NPAT: variants seen among roughly 807,000 people sequenced by gnomAD.
NPAT encodes the protein nuclear protein, coactivator of histone transcription.
In NPAT, 52 loss-of-function variants were observed where a neutral mutation model predicts 130.7. The ratio of observed to expected loss-of-function variants is 0.40; its 90% CI spans 0.32 to 0.50. NPAT has a LOEUF of 0.50. NPAT is among the 20% of genes least tolerant of loss of function. NPAT has a pLI of 0.68. For synonymous variants in NPAT, 580 were observed against 584.8 expected (o/e 0.99, Z 0.12); for missense variants, 1,687 against 1,662.6 (o/e 1.01, Z -0.26).
In NPAT at chr11:108,209,298, A is replaced by AAAT. The variant is rs1565327771; in HGVS notation, c.38-11879_38-11878insATT. Among the ~76,000 whole-genome samples the AAAT allele has an allele frequency of 5.3e-5, 8 of 152,134 alleles. No individual in the cohort carries two copies. The East Asian group carries it at 1.6e-3, about 30-fold the overall frequency. On this transcript the variant is annotated intron_variant, in intron 1 of 17. Coordinates refer to ENST00000278612, the MANE Select transcript of NPAT (RefSeq NM_002519.3). The stretch of plus-strand genomic sequence containing the variant: ...CCATGTCAAAAATAAATAACTAAAT[A>AAAT]AAATAAATAAATAAATAAAAAGATA...
chr11:108,174,042 A>C (rs1313898764), intron 12 of NPAT, among the ~76,000 whole-genome samples, 191 bp from the exon 13 acceptor site: 1 of 152,196 alleles, frequency 6.6e-6, no homozygotes, highest in Non-Finnish European at 1.5e-5. Context: ...GTTACTGATG[A>C]CTTTTTACAC....
chr11:108,178,172 T>C (rs189238266), intron 10 of NPAT, among the ~76,000 whole-genome samples: 13 of 152,338 alleles, frequency 8.5e-5, no homozygotes, highest in Admixed American at 6.5e-4. Context: ...CCAATCCTTA[T>C]CTATTCAGCT....
chr11:108,184,684 T>G (rs2078089527), intron 10 of NPAT, among the ~76,000 whole-genome samples: 2 of 152,086 alleles, frequency 1.3e-5, no homozygotes. Context: ...GCATGTGTCA[T>G]GATGCCCATA....
At chr11:108,211,395 T>A (rs1214654309) in intron 1 of NPAT, among the ~76,000 whole-genome samples, 2 of 151,858 alleles carry the variant, frequency 1.3e-5, no homozygotes, top group African/African-American at 4.8e-5. Context: ...ATACAAAAGT[T>A]AGCTGGACAT....
rs2078542320 is a variant in NPAT at position 108,222,589 on chromosome 11, A to G, written c.-53T>C. On this transcript the variant is annotated 5_prime_UTR_variant, in exon 1 of 18. Transcript: ENST00000278612. ...AAGGAACAAGACTCAGGTTAAAGCAAACACAGCGACAGCTCCTGCGCCGCA... is the reference window on the plus strand; with the variant it reads ...AAGGAACAAGACTCAGGTTAAAGCAGACACAGCGACAGCTCCTGCGCCGCA... 6.2e-7 allele frequency: 1 copy of G among 1,601,936 alleles called. No homozygotes were observed. The highest frequency in any genetic ancestry group is 1.7e-5 in the Admixed American group (1 of 59,458).
intron 7 of NPAT, among the ~76,000 whole-genome samples, chr11:108,186,851 T>A (rs188962062): frequency 6.6e-6 from 1 of 152,272 alleles, no homozygotes; most frequent in Admixed American, 6.5e-5. Context: ...TGAAAAAAAC[T>A]TGAGTATAAA....
rs1398014220 is a variant in NPAT, at chr11:108,161,821, CTTT to C, written c.3262_3264del (p.Lys1088del). ...TTAGGAAAAGAGACTGCATTCCTTT[CTTT>C]GTTTTGGGACACCATCTTATGGTTT... On this transcript the variant is annotated inframe_deletion, in exon 17 of 18. Coordinates refer to ENST00000278612, the MANE Select transcript of NPAT (RefSeq NM_002519.3). 6.2e-7 allele frequency: 1 copy of C among 1,614,084 alleles called. No homozygotes were observed. Among genetic ancestry groups the C allele is most frequent in the African/African-American group, 1.3e-5 (1 of 75,042 alleles).
chr11:108,208,662 G>A, intron 1 of NPAT: 1 of 281,078 alleles, frequency 3.6e-6, no homozygotes, highest in South Asian at 2.8e-5. Context: ...AAAGTATAAA[G>A]CAAACTCACA....
chr11:108,180,894 T>G (rs1194482907), intron 10 of NPAT, among the ~76,000 whole-genome samples: 1 of 152,192 alleles, frequency 6.6e-6, no homozygotes, highest in African/African-American at 2.4e-5. Context: ...ACAGGCCATG[T>G]AGAACCTTGA....
chr11:108,186,469 CAG>C lies in NPAT; in HGVS notation c.726+11_726+12del, dbSNP rs1445922304. 1.9e-6 allele frequency: 3 copies of C among 1,607,724 alleles called. No homozygotes were observed. Among genetic ancestry groups the C allele is most frequent in the Non-Finnish European group, 1.7e-6 (2 of 1,174,414 alleles). ...GAATATTTTAAGTTGCAAAGTTTGG[CAG>C]AGTCACTTACTTTTTCTACTGCAAA... On this transcript the variant is annotated intron_variant, in intron 8 of 17. Transcript: ENST00000278612.
chr11:108,178,416 T>G (rs1490733937), intron 10 of NPAT, among the ~76,000 whole-genome samples: 1 of 152,034 alleles, frequency 6.6e-6, no homozygotes, highest in African/African-American at 2.4e-5. Flanking sequence ...CACCTTATTA[T>G]TATTTTTGTG....
At chr11:108,194,824 T>C (rs1409027931) in intron 2 of NPAT, among the ~76,000 whole-genome samples, 2 of 149,384 alleles carry the variant, frequency 1.3e-5, no homozygotes, top group African/African-American at 2.5e-5. Context: ...CTGTTTTCAG[T>C]ATTTTTTTTT....
At chr11:108,199,458 G>A (rs1022994067) in intron 1 of NPAT, among the ~76,000 whole-genome samples, 1 of 152,246 alleles carries the variant, frequency 6.6e-6, no homozygotes, top group African/African-American at 2.4e-5. Context: ...ACAGCATAGC[G>A]GCACTGAATG....
chr11:108,201,542 A>G (rs560463892), intron 1 of NPAT, among the ~76,000 whole-genome samples: 1 of 152,344 alleles, frequency 6.6e-6, no homozygotes, highest in Non-Finnish European at 1.5e-5. Context: ...CCCAAGGTCC[A>G]GCCCAGAAAC....
chr11:108,190,863 G>A (rs1474602165), intron 4 of NPAT, among the ~76,000 whole-genome samples: 2 of 152,122 alleles, frequency 1.3e-5, no homozygotes, highest in African/African-American at 2.4e-5. Flanking sequence ...ACTTGAGGCC[G>A]AGAGTTCATG....
At chr11:108,197,681 A>G (rs2078236669) in intron 1 of NPAT, among the ~76,000 whole-genome samples, 1 of 152,260 alleles carries the variant, frequency 6.6e-6, no homozygotes, top group African/African-American at 2.4e-5. Flanking sequence ...ATTACTTCAC[A>G]GTACTTACAG....
intron 1 of NPAT, among the ~76,000 whole-genome samples, chr11:108,209,781 C>T (rs931467947): frequency 1.5e-4 from 22 of 148,388 alleles, no homozygotes; most frequent in African/African-American, 3.2e-4. Flanking sequence ...CCCAGCTCCT[C>T]GGGAGGCTGA....
At chr11:108,192,509 T>C (rs1171796723) in intron 3 of NPAT, among the ~76,000 whole-genome samples, 1 of 152,214 alleles carries the variant, frequency 6.6e-6, no homozygotes, top group Non-Finnish European at 1.5e-5. Context: ...CTATCTGATA[T>C]CATGTGACAT....
chr11:108,166,013 G>A (rs1010592133), intron 15 of NPAT, among the ~76,000 whole-genome samples: 1 of 822 alleles, frequency 1.2e-3, no homozygotes, highest in Admixed American at 4.5e-3. Context: ...CAAACTCCTG[G>A]GCTCAGTGAT....
Sources: gnomAD v4.1 joint callset for allele counts (sites outside exome capture counted in the v4.1 genomes callset) on GRCh38, gnomAD v4.1.1 for gene constraint, MANE v1.5 for transcripts, NCBI Gene and HGNC (gene_info 2026-07-23, HGNC 2026-07-21) for gene names.